The following PRDM16 variants were observed in gnomAD, a reference collection of about 807,000 sequenced individuals.
PRDM16 encodes PR/SET domain 16, also known as histone-lysine N-methyltransferase PRDM16.
A neutral mutation model predicts 110.6 loss-of-function variants in PRDM16; 23 were observed. That is an observed-to-expected ratio of 0.21 (90% confidence interval 0.15 to 0.29). The LOEUF (loss-of-function observed/expected upper bound fraction) is 0.29, where lower values mean the gene tolerates loss of function less well. Ranked by LOEUF, PRDM16 falls within the 10% of genes least tolerant of loss-of-function variation. The pLI, the probability that PRDM16 is intolerant of heterozygous loss-of-function variation, is 1.00. For synonymous variants in PRDM16, 799 were observed against 781.8 expected (o/e 1.02, Z -0.37); for missense variants, 1,615 against 1,794.3 (o/e 0.90, Z 1.81).
intron 3 of PRDM16, among the ~76,000 whole-genome samples, chr1:3,326,376 T>G (rs1407109221): frequency 6.6e-6 from 1 of 152,246 alleles, no homozygotes; most frequent in Admixed American, 6.5e-5. Flanking sequence ...CAAAGATGCT[T>G]TTTCCAGAAA....
chr1:3,411,699 C>G lies in PRDM16; in HGVS notation c.1502C>G (p.Ser501Cys). The G allele has an allele frequency of 6.2e-7, 1 of 1,610,466 alleles. No homozygotes were observed. The highest frequency in any genetic ancestry group is 2.2e-5 in the East Asian group (1 of 44,780). Residue 501 changes from serine (S) to cysteine (C), a missense_variant, in exon 9 of 17, where the codon TCC (serine) becomes TGC (cysteine). By Grantham distance (112) the Ser-to-Cys change is moderately radical. Transcript: ENST00000270722. Reference protein sequence around the residue: ...SRPHPGSLPFSTAPPTFPALT... With the variant: ...SRPHPGSLPFCTAPPTFPALT... ...CCGCACCCGGGGAGCCTGCCCTTCT[C>G]CACGGCGCCTCCCACGTTCCCCGCA...
In PRDM16 at chr1:3,339,112, C is replaced by G. The variant is rs1445016705; in HGVS notation, c.439-46040C>G. On this transcript the variant is annotated intron_variant, in intron 3 of 16. Transcript: ENST00000270722. The surrounding 1 kb of genome is among the most constrained non-coding windows in gnomAD (Gnocchi z 5.0). ...TTCCGTGCACTCCCCTCTCTGGCCT[C>G]CCCATGTCCCGCCTTTCCGGGTGCT... Among the ~76,000 whole-genome samples, 1 of 152,166 alleles carries G rather than the reference C, an allele frequency of 6.6e-6. No individual in the cohort carries two copies. The highest frequency in any genetic ancestry group is 1.5e-5 in the Non-Finnish European group (1 of 68,032).
intron 3 of PRDM16, among the ~76,000 whole-genome samples, chr1:3,259,206 G>A (rs1482460212): frequency 6.6e-6 from 1 of 152,136 alleles, no homozygotes; most frequent in Non-Finnish European, 1.5e-5. Flanking sequence ...GGGGAGGCTC[G>A]AGTCACCCTC....
chr1:3,350,774 G>A lies in PRDM16; in HGVS notation c.439-34378G>A, dbSNP rs1406801469. On this transcript the variant is annotated intron_variant, in intron 3 of 16. Coordinates refer to ENST00000270722, the MANE Select transcript of PRDM16 (RefSeq NM_022114.4). This position sits in a 1 kb window ranked among gnomAD's most constrained non-coding sequence, Gnocchi z 7.1. ...TTGTGTCTGCCGACTTCTTCCCAAT[G>A]CCGCGTCCAGTGTTTTCCTCTTTCT... Among the ~76,000 whole-genome samples, 1 of 152,132 alleles carries A rather than the reference G, an allele frequency of 6.6e-6. No individual in the cohort carries two copies. The highest frequency in any genetic ancestry group is 2.4e-5 in the African/African-American group (1 of 41,444).
At chr1:3,228,849 C>T (rs1325229139) in intron 2 of PRDM16, among the ~76,000 whole-genome samples, 3 of 152,312 alleles carry the variant, frequency 2.0e-5, no homozygotes, top group East Asian at 1.9e-4. Context: ...GAACGGGACG[C>T]GCTGAGCCAT....
At chr1:3,228,485 C>A (rs139754800) in intron 2 of PRDM16, among the ~76,000 whole-genome samples, 1 of 152,218 alleles carries the variant, frequency 6.6e-6, no homozygotes, top group Middle Eastern at 3.2e-3. Flanking sequence ...TGGTCTCCTG[C>A]GGCCCAAAGG....
chr1:3,298,756 A>T (rs2455143), intron 3 of PRDM16, among the ~76,000 whole-genome samples: 74,913 of 151,956 alleles, frequency 0.49, 19,634 homozygotes, highest in East Asian at 0.68. Flanking sequence ...TCTCCTAGAA[A>T]TGCCAGTTCT....
chr1:3,090,979 C>T (rs1454666015), intron 1 of PRDM16, among the ~76,000 whole-genome samples: 2 of 152,060 alleles, frequency 1.3e-5, no homozygotes, highest in Non-Finnish European at 2.9e-5. Context: ...CCCCAGGGCT[C>T]CAGGGTCTGG....
rs1223020495 is a variant in PRDM16, at chr1:3,148,542, C to T, written c.38-37583C>T. ...AGCTCCCCATAGTGGTGGCCCAGCC[C>T]TGGGGAGCAGCGTCAGGATTTTACA... On this transcript the variant is annotated intron_variant, in intron 1 of 16. Coordinates refer to ENST00000270722, the MANE Select transcript of PRDM16 (RefSeq NM_022114.4). This position sits in a 1 kb window ranked among gnomAD's most constrained non-coding sequence, Gnocchi z 5.0. 6.6e-6 allele frequency among the ~76,000 whole-genome samples: 1 copy of T among 152,208 alleles called. No homozygotes were observed. The highest frequency in any genetic ancestry group is 2.4e-5 in the African/African-American group (1 of 41,440).
chr1:3,334,320 C>T (rs1208641370), intron 3 of PRDM16, among the ~76,000 whole-genome samples: 2 of 152,114 alleles, frequency 1.3e-5, no homozygotes, highest in African/African-American at 4.8e-5. Flanking sequence ...TGCCACAGGT[C>T]CCACCACGTC....
intron 1 of PRDM16, among the ~76,000 whole-genome samples, chr1:3,103,939 G>A (rs918042446): frequency 2.6e-5 from 4 of 152,156 alleles, no homozygotes; most frequent in African/African-American, 2.4e-5. Context: ...TCCACAGGGC[G>A]GGACTACCCT....
intron 2 of PRDM16, among the ~76,000 whole-genome samples, chr1:3,233,871 A>G (rs778254634): frequency 3.3e-5 from 5 of 150,864 alleles, no homozygotes; most frequent in Admixed American, 1.3e-4. Context: ...TCATACCGCA[A>G]TGAAGTGTTG....
At chr1:3,210,389 G>T (rs1348967941) in intron 2 of PRDM16, among the ~76,000 whole-genome samples, 1 of 152,236 alleles carries the variant, frequency 6.6e-6, no homozygotes, top group Non-Finnish European at 1.5e-5. Flanking sequence ...CTCAGATTCA[G>T]GAAGGAGCCG....
At position 3,433,873 on chromosome 1, in the gene PRDM16, G is replaced by A. The variant is rs546081451; in HGVS notation, c.*62G>A. 99 of 1,588,224 alleles carry A rather than the reference G, an allele frequency of 6.2e-5. No homozygotes were observed. In the South Asian group the frequency reaches 6.8e-4, roughly 11 times the overall value. Reference sequence around the variant, plus strand: ...GGCACCAGCCACGAAGGACGGAGGCGGGCGGGGCCCCGGAGAACCCTGTCC... The same window carrying A: ...GGCACCAGCCACGAAGGACGGAGGCAGGCGGGGCCCCGGAGAACCCTGTCC... On this transcript the variant is annotated 3_prime_UTR_variant, in exon 17 of 17. Coordinates refer to ENST00000270722, the MANE Select transcript of PRDM16 (RefSeq NM_022114.4).
intron 2 of PRDM16, among the ~76,000 whole-genome samples, chr1:3,229,950 G>A (rs1639369326): frequency 6.6e-6 from 1 of 152,232 alleles, no homozygotes; most frequent in African/African-American, 2.4e-5. Context: ...TAAAGCTGCA[G>A]CTCCGTGCAG....
intron 8 of PRDM16, among the ~76,000 whole-genome samples, chr1:3,407,760 G>A (rs1278540486): frequency 6.6e-6 from 1 of 152,220 alleles, no homozygotes; most frequent in Non-Finnish European, 1.5e-5. Flanking sequence ...GGAGCCCACT[G>A]TTCCCACCAC....
At chr1:3,072,303 T>C (rs907163197) in intron 1 of PRDM16, among the ~76,000 whole-genome samples, 4 of 152,198 alleles carry the variant, frequency 2.6e-5, no homozygotes, top group South Asian at 2.1e-4. Context: ...ATCGCCCTCA[T>C]AGCACAGCTG....
At position 3,424,209 on chromosome 1, in the gene PRDM16, C is replaced by T. The variant is rs186181956; in HGVS notation, c.2940-1372C>T. ...CTCCTTAGCTCATCCCCAGCTCCCC[C>T]TCTTCGTTTCAGGCATGATTTTCTT... On this transcript the variant is annotated intron_variant, in intron 12 of 16. Coordinates refer to ENST00000270722, the MANE Select transcript of PRDM16 (RefSeq NM_022114.4). 1.4e-4 allele frequency among the ~76,000 whole-genome samples: 22 copies of T among 152,376 alleles called. No individual in the cohort carries two copies. In the East Asian group the frequency reaches 2.9e-3, roughly 20 times the overall value.
chr1:3,301,606 C>G (rs900108140), intron 3 of PRDM16, among the ~76,000 whole-genome samples: 1 of 152,154 alleles, frequency 6.6e-6, no homozygotes, highest in Non-Finnish European at 1.5e-5. Flanking sequence ...CTGTAAGACC[C>G]AACTACAGAC....
Sources: gnomAD v4.1 joint callset for allele counts (sites outside exome capture counted in the v4.1 genomes callset) on GRCh38, gnomAD v4.1.1 for gene constraint, Gnocchi (gnomAD v3.1) non-coding constraint, MANE v1.5 for transcripts, NCBI Gene and HGNC (gene_info 2026-07-23, HGNC 2026-07-21) for gene names.